ELP2: variants seen among roughly 807,000 people sequenced by gnomAD.
ELP2 encodes the protein elongator complex protein 2.
ELP2 carries 90 observed loss-of-function variants against 119.2 expected under a neutral mutation model. The observed-to-expected ratio is 0.75, with a 90% CI of 0.64 to 0.90. The LOEUF is 0.90. Among genes scored for constraint, ELP2 ranks in the 40% least tolerant of loss-of-function variants. The probability of loss-of-function intolerance (pLI) is 0.00; values close to 1 mark genes in which losing one functional copy is unlikely to be tolerated. For missense variants in ELP2, 921 were observed against 967.8 expected, an observed-to-expected ratio of 0.95 and a Z score of 0.64; for synonymous variants, 339 against 331.0, an observed-to-expected ratio of 1.02 and a Z score of -0.26.
chr18:36,138,841 T>C lies in ELP2; in HGVS notation c.492T>C (p.Ala164=), dbSNP rs2089923580. The change falls in exon 5 of 22, where the codon GCT becomes GCC. Residue 164 remains alanine, a synonymous_variant. Transcript: ENST00000358232. ...TLNFGNGFAL[A]LCLSFLPNTD... is the part of the protein sequence containing the mutation. The stretch of plus-strand genomic sequence containing the variant: ...ACTTTGGAAATGGATTTGCTTTGGC[T>C]CTCTGCTTATCTTTTTTGCCAAATA... The C allele has an allele frequency of 1.9e-5, 31 of 1,613,996 alleles. No individual in the cohort carries two copies. The highest frequency in any genetic ancestry group is 2.5e-5 in the Non-Finnish European group (29 of 1,179,928).
chr18:36,131,258 T>C (rs1283836021), intron 1 of ELP2, among the ~76,000 whole-genome samples: 2 of 152,256 alleles, frequency 1.3e-5, no homozygotes, highest in African/African-American at 4.8e-5. Context: ...TTGAGCTTGC[T>C]TGCCTCTTCC....
At chr18:36,171,384 A>T (rs1309852302) in intron 21 of ELP2, among the ~76,000 whole-genome samples, 1 of 152,252 alleles carries the variant, frequency 6.6e-6, no homozygotes, top group African/African-American at 2.4e-5. Flanking sequence ...TGCATGCATA[A>T]TATTATTTTT....
chr18:36,139,841 A>T (rs1449488581), intron 5 of ELP2: 1 of 286,040 alleles, frequency 3.5e-6, no homozygotes, highest in Admixed American at 4.9e-5. Context: ...AAAATTTTAA[A>T]ATTTAAAATT....
chr18:36,133,897 GTTTTTTTTTTTT>G (rs57135329), intron 2 of ELP2, among the ~76,000 whole-genome samples: 3 of 60,756 alleles, frequency 4.9e-5, no homozygotes, highest in African/African-American at 2.2e-4. Flanking sequence ...TTTTTTAGGG[GTTTTTTTTTTTT>G]TTTTTTTTTT....
At chr18:36,131,447 G>A (rs915075442) in intron 1 of ELP2, among the ~76,000 whole-genome samples, 1 of 152,236 alleles carries the variant, frequency 6.6e-6, no homozygotes, top group South Asian at 2.1e-4. Context: ...GGAGCCTTGC[G>A]GCATTGCGGC....
At chr18:36,142,087 A>G (rs1267170901) in intron 6 of ELP2, among the ~76,000 whole-genome samples, 194 bp from the exon 7 acceptor site, 2 of 152,166 alleles carry the variant, frequency 1.3e-5, no homozygotes, top group East Asian at 1.9e-4. Context: ...ATCTACTCAG[A>G]GGTGCTCCAG....
chr18:36,149,483 G>GTTTTTTTTTTTTTTTTTTTTTTTT (rs561853812), intron 11 of ELP2, among the ~76,000 whole-genome samples: 1 of 101,816 alleles, frequency 9.8e-6, no homozygotes, highest in Non-Finnish European at 1.9e-5. Flanking sequence ...TTTTTGTTTT[G>GTTTTTTTTTTTTTTTTTTTTTTTT]TTTTGTTTTT....
intron 3 of ELP2, chr18:36,138,041 G>C: frequency 2.0e-6 from 1 of 499,142 alleles, no homozygotes; most frequent in South Asian, 2.1e-5. Context: ...ATATTCTTCA[G>C]AATACCTATT....
At chr18:36,139,721 A>G (rs1279208189) in intron 5 of ELP2, 1 of 960,792 alleles carries the variant, frequency 1.0e-6, no homozygotes, top group African/African-American at 1.7e-5. Flanking sequence ...GTCCTTAGAA[A>G]AAGTCTCTTA....
At chr18:36,165,615 C>T (rs1260172307) in intron 18 of ELP2, among the ~76,000 whole-genome samples, 1 of 152,230 alleles carries the variant, frequency 6.6e-6, no homozygotes, top group African/African-American at 2.4e-5. Flanking sequence ...GGCACAGTGG[C>T]TCATGCGTGT....
Position 36,177,715 on chromosome 18 carries a change from A to G in ELP2, c.*3074A>G, listed in dbSNP as rs1372828102. 6.6e-6 allele frequency: 1 copy of G among 151,304 alleles called. No individual in the cohort carries two copies. Among genetic ancestry groups the G allele is most frequent in the Non-Finnish European group, 1.5e-5 (1 of 67,770 alleles). 9.4% of individuals were successfully genotyped at this position (151,304 alleles called of 1,614,324 possible). A position where few individuals can be genotyped will look rare whatever the true frequency, so the allele number is the denominator to read the frequency against. On this transcript the variant is annotated 3_prime_UTR_variant, in exon 22 of 22. Transcript: ENST00000358232. ...ATTTCCCAGGATGTAAATCGGTACT[A>G]AAAAAAAAGTGCTCCAAAGTAAGAT... is the stretch of plus-strand genomic sequence containing the variant.
chr18:36,144,906 G>T, intron 8 of ELP2, 33 bp from the exon 9 acceptor site: 1 of 1,530,764 alleles, frequency 6.5e-7, no homozygotes, highest in South Asian at 1.1e-5. Flanking sequence ...GAAGAGCTTT[G>T]AGGAAATAAT....
At chr18:36,160,301 A>G (rs2090695663) in intron 16 of ELP2, among the ~76,000 whole-genome samples, 2 of 152,130 alleles carry the variant, frequency 1.3e-5, no homozygotes, top group South Asian at 4.1e-4. Context: ...TTGGCTGGGT[A>G]CAGTGGCTCA....
rs1376365255 is a variant in ELP2, at chr18:36,136,307, C to T, written c.218C>T (p.Ser73Phe). 2 of 1,607,936 alleles carry T rather than the reference C, an allele frequency of 1.2e-6. No homozygotes were observed. The highest frequency in any genetic ancestry group is 1.3e-5 in the African/African-American group (1 of 74,866). Reference protein sequence around the residue: ...CIQWICKQDGSPSTELVSGGS... With the variant: ...CIQWICKQDGFPSTELVSGGS... ...TTTACTGAGATATAATTTTTTTCAG[C>T]CCCTTCTACTGAATTAGTTTCTGGA... is the stretch of plus-strand genomic sequence containing the variant. The change falls in exon 3 of 22, where the codon TCC becomes TTC. Residue 73 changes from serine to phenylalanine, a missense_variant and splice_region_variant. By Grantham distance (155) the Ser-to-Phe change is radical. Transcript: ENST00000358232.
At chr18:36,138,926 T>C (rs2089927354) in intron 5 of ELP2, 54 bp downstream of exon 5, 3 of 1,288,814 alleles carry the variant, frequency 2.3e-6, no homozygotes, top group South Asian at 2.4e-5. Flanking sequence ...CATACTGTCA[T>C]ATGATTAGAA....
At chr18:36,148,239 G>A (rs1423165656) in intron 11 of ELP2, among the ~76,000 whole-genome samples, 1 of 151,970 alleles carries the variant, frequency 6.6e-6, no homozygotes, top group Non-Finnish European at 1.5e-5. Flanking sequence ...GACTACAGGT[G>A]CCTGCCACCA....
chr18:36,142,349 T>G lies in ELP2; in HGVS notation c.655+2T>G. On this transcript the variant is annotated splice_donor_variant, in intron 7 of 21. Transcript: ENST00000358232. LOFTEE classifies it high-confidence loss of function. The stretch of plus-strand genomic sequence containing the variant: ...GAGGAGTGGAATGGGCAGCCTTTGG[T>G]CAGTATGAAATTTTGCTAATGCACA... The G allele has an allele frequency of 1.9e-6, 3 of 1,613,674 alleles. No individual in the cohort carries two copies. The highest frequency in any genetic ancestry group is 2.5e-6 in the Non-Finnish European group (3 of 1,179,634).
At chr18:36,131,538 C>T (rs1221633616) in intron 1 of ELP2, among the ~76,000 whole-genome samples, 3 of 152,314 alleles carry the variant, frequency 2.0e-5, no homozygotes, top group South Asian at 4.1e-4. Flanking sequence ...AGCAGGAGCC[C>T]GGGAGAGCCA....
chr18:36,139,448 G>GGC, intron 5 of ELP2: 3 of 1,535,684 alleles, frequency 2.0e-6, no homozygotes, highest in Non-Finnish European at 2.6e-6. Flanking sequence ...GGTGGAACGA[G>GGC]GCAGGGCCTG....
Sources: gnomAD v4.1 joint callset for allele counts (sites outside exome capture counted in the v4.1 genomes callset) on GRCh38, gnomAD v4.1.1 for gene constraint, MANE v1.5 for transcripts, NCBI Gene and HGNC (gene_info 2026-07-23, HGNC 2026-07-21) for gene names.